Variants in CELF2 observed in about 807,000 individuals in gnomAD.
CELF2 encodes CUG triplet repeat RNA-binding protein 2.
A neutral mutation model predicts 62.6 loss-of-function variants in CELF2; 8 were observed. The observed-to-expected ratio is 0.13, with a 90% CI of 0.07 to 0.23. CELF2 has a LOEUF of 0.23. CELF2 is among the 10% of genes least tolerant of loss of function. CELF2 has a pLI of 1.00. For missense variants in CELF2, 333 were observed against 671.0 expected (o/e 0.50, Z 5.56); for synonymous variants, 258 against 250.0 (o/e 1.03, Z -0.30).
At chr10:10,603,174 C>T in the CELF2 span, among the ~76,000 whole-genome samples, 1 of 149,996 alleles carries the variant, frequency 6.7e-6, no homozygotes. Context: ...ATATTGAACA[C>T]CTGGTAGAGC....
At chr10:10,659,684 A>G in the CELF2 span, among the ~76,000 whole-genome samples, 1 of 152,158 alleles carries the variant, frequency 6.6e-6, no homozygotes, top group Non-Finnish European at 1.5e-5. Flanking sequence ...TTCCAGACAC[A>G]CAGATCTCAG....
intron 1 of CELF2, among the ~76,000 whole-genome samples, chr10:10,844,497 G>T (rs898722898): frequency 7.2e-5 from 11 of 152,090 alleles, no homozygotes; most frequent in Non-Finnish European, 1.6e-4. Flanking sequence ...TCCTCTAAGT[G>T]GGGAGAGAGA....
chr10:10,711,836 C>T, the CELF2 span, among the ~76,000 whole-genome samples: 15 of 152,028 alleles, frequency 9.9e-5, no homozygotes, highest in African/African-American at 2.9e-4. Context: ...GAGCCGAGAT[C>T]GTGCCACTTC....
intron 2 of CELF2, among the ~76,000 whole-genome samples, chr10:11,197,033 G>GA (rs1362837603): frequency 0.037 from 808 of 21,858 alleles, 168 homozygotes; most frequent in African/African-American, 0.2. Context: ...AGAAAAGAAA[G>GA]AAAGAAAGAA....
chr10:10,553,398 C>T, the CELF2 span, among the ~76,000 whole-genome samples: 1 of 152,170 alleles, frequency 6.6e-6, no homozygotes. Context: ...GGCACTATCT[C>T]ATTATGAAGG....
chr10:10,707,042 G>A, the CELF2 span, among the ~76,000 whole-genome samples: 1 of 152,214 alleles, frequency 6.6e-6, no homozygotes, highest in Non-Finnish European at 1.5e-5. Flanking sequence ...CGACTCAGGA[G>A]TTTTTCAACC....
the CELF2 span, among the ~76,000 whole-genome samples, chr10:10,650,734 A>G: frequency 6.6e-6 from 1 of 152,252 alleles, no homozygotes; most frequent in Non-Finnish European, 1.5e-5. Context: ...TACTAAAAAT[A>G]GTAAAATGAT....
At chr10:10,894,550 C>G (rs1308989600) in intron 1 of CELF2, among the ~76,000 whole-genome samples, 1 of 152,070 alleles carries the variant, frequency 6.6e-6, no homozygotes, top group African/African-American at 2.4e-5. Flanking sequence ...CGTCCCAGGC[C>G]CTGGTTTCAA....
rs1211570507 is a variant in CELF2, at chr10:11,211,860, A to G, written c.272-5565A>G. On this transcript the variant is annotated intron_variant, in intron 2 of 12. Transcript: ENST00000633077. This position sits in a 1 kb window ranked among gnomAD's most constrained non-coding sequence, Gnocchi z 4.8. ...TGTGTGTGTGTGTGTGTGTGTAACT[A>G]CCATTGGCCTTTGGGGCTTTATCTT... 6.9e-6 allele frequency among the ~76,000 whole-genome samples: 1 copy of G among 145,364 alleles called. No individual in the cohort carries two copies. Among genetic ancestry groups the G allele is most frequent in the East Asian group, 2.0e-4 (1 of 4,978 alleles).
At chr10:10,656,034 A>C in the CELF2 span, among the ~76,000 whole-genome samples, 1 of 150,528 alleles carries the variant, frequency 6.6e-6, no homozygotes, top group Non-Finnish European at 1.5e-5. Flanking sequence ...AAGAAAAAAA[A>C]ACAACCCCAT....
chr10:11,075,414 T>C lies in CELF2; in HGVS notation c.74+57251T>C, dbSNP rs1055031698. On this transcript the variant is annotated intron_variant, in intron 1 of 12. Coordinates refer to ENST00000633077, the MANE Select transcript of CELF2 (RefSeq NM_001326342.2). The surrounding 1 kb of genome is among the most constrained non-coding windows in gnomAD (Gnocchi z 5.4). ...ATATTCTATTTTACAACCTTACTTA[T>C]TCAGTAACGTATGGAGAGCAGTCCT... is the stretch of plus-strand genomic sequence containing the variant. 2 of 152,206 alleles carry C rather than the reference T, an allele frequency of 1.3e-5. No homozygotes were observed. The highest frequency in any genetic ancestry group is 2.4e-5 in the African/African-American group (1 of 41,446). 9.4% of individuals were successfully genotyped at this position (152,206 alleles called of 1,614,324 possible).
rs186790816 is a variant in CELF2 at position 11,046,424 on chromosome 10, G to A, written c.74+28261G>A. 3.3e-5 allele frequency among the ~76,000 whole-genome samples: 5 copies of A among 152,286 alleles called. No homozygotes were observed. Among genetic ancestry groups the A allele is most frequent in the South Asian group, 4.1e-4 (2 of 4,824 alleles). Reference sequence around the variant, plus strand: ...GTATGCCCTCAATAAGTACTTGTTGGTTCACTGCCTCTGATGACACCGAAA... The same window carrying A: ...GTATGCCCTCAATAAGTACTTGTTGATTCACTGCCTCTGATGACACCGAAA... On this transcript the variant is annotated intron_variant, in intron 1 of 12. Transcript: ENST00000633077. The surrounding 1 kb of genome is among the most constrained non-coding windows in gnomAD (Gnocchi z 4.6).
At chr10:10,540,031 AC>A in the CELF2 span, among the ~76,000 whole-genome samples, 2 of 151,922 alleles carry the variant, frequency 1.3e-5, no homozygotes, top group Non-Finnish European at 2.9e-5. Context: ...TATTTTTTAA[AC>A]CCCAGCTCTT....
At position 10,865,225 on chromosome 10, in the gene CELF2, G is replaced by A. The variant is rs149756371; in HGVS notation, c.54-54739G>A. On this transcript the variant is annotated intron_variant, in intron 1 of 13. Transcript: ENST00000636488. Reference sequence around the variant, plus strand: ...ATTGTATTTAAGGAAAAGTATGGAAGGAAACCATCTAATGCCTAATGGGAT... The same window carrying A: ...ATTGTATTTAAGGAAAAGTATGGAAAGAAACCATCTAATGCCTAATGGGAT... Among the ~76,000 whole-genome samples, 959 of 152,214 alleles carry A rather than the reference G, an allele frequency of 6.3e-3. 8 individuals carry two copies. The highest frequency in any genetic ancestry group is 0.022 in the African/African-American group (919 of 41,518).
chr10:10,834,104 C>A (rs1041148563), intron 1 of CELF2, among the ~76,000 whole-genome samples: 1 of 152,128 alleles, frequency 6.6e-6, no homozygotes, highest in African/African-American at 2.4e-5. Flanking sequence ...AAATATGGTA[C>A]ATATACATCA....
chr10:11,208,179 A>C (rs2060891092), intron 2 of CELF2, among the ~76,000 whole-genome samples: 1 of 152,004 alleles, frequency 6.6e-6, no homozygotes, highest in African/African-American at 2.4e-5. Context: ...CCATCTGTAA[A>C]ATGGGAGGGT....
At chr10:10,711,960 G>A in the CELF2 span, among the ~76,000 whole-genome samples, 2 of 151,978 alleles carry the variant, frequency 1.3e-5, no homozygotes, top group Non-Finnish European at 1.5e-5. Context: ...TTGGGAGGAT[G>A]GCTAAATGTT....
chr10:11,281,014 G>GTGTGTGTGTGTA (rs1565736725), intron 8 of CELF2, among the ~76,000 whole-genome samples: 2 of 151,826 alleles, frequency 1.3e-5, no homozygotes, highest in African/African-American at 4.8e-5. Context: ...GTGTGTGTGT[G>GTGTGTGTGTGTA]TGTGTGTTCA....
intron 1 of CELF2, among the ~76,000 whole-genome samples, chr10:10,812,210 G>T (rs922017479): frequency 6.6e-6 from 1 of 152,266 alleles, no homozygotes; most frequent in East Asian, 1.9e-4. Context: ...AAGGCAAAAG[G>T]CATGTCTTAC....
Sources: gnomAD v4.1 joint callset for allele counts (sites outside exome capture counted in the v4.1 genomes callset) on GRCh38, gnomAD v4.1.1 for gene constraint, Gnocchi (gnomAD v3.1) non-coding constraint, MANE v1.5 for transcripts, NCBI Gene and HGNC (gene_info 2026-07-23, HGNC 2026-07-21) for gene names.